UBE2K: variants seen among roughly 807,000 people sequenced by gnomAD.
The protein encoded by UBE2K is ubiquitin-conjugating enzyme E2 K.
A neutral mutation model predicts 30.0 loss-of-function variants in UBE2K; 6 were observed. That is an observed-to-expected ratio of 0.20 (90% CI 0.11 to 0.39). The LOEUF (loss-of-function observed/expected upper bound fraction) is 0.39. Among genes scored for constraint, UBE2K ranks in the 10% least tolerant of loss-of-function variants. The pLI is 1.00. For synonymous variants in UBE2K, 86 were observed against 83.7 expected (o/e 1.03, Z -0.15); for missense variants, 61 against 241.6 (o/e 0.25, Z 4.96).
chr4:39,770,265 T>C, intron 4 of UBE2K: 5 of 1,607,356 alleles, frequency 3.1e-6, no homozygotes, highest in Non-Finnish European at 3.4e-6. Flanking sequence ...CAGGGTGGAC[T>C]TCTGTGTGAA....
chr4:39,729,258 A>C (rs1243522077), intron 1 of UBE2K, among the ~76,000 whole-genome samples: 1 of 152,068 alleles, frequency 6.6e-6, no homozygotes, highest in South Asian at 2.1e-4. Flanking sequence ...GGCGTGAGCC[A>C]TGGCGCCCGG....
intron 1 of UBE2K, among the ~76,000 whole-genome samples, chr4:39,733,694 C>T (rs116308733): frequency 0.011 from 1,693 of 152,146 alleles, 39 homozygotes; most frequent in African/African-American, 0.038. Context: ...TTACTTCTAT[C>T]CAAGAAACTT....
chr4:39,709,417 AG>A (rs1341820013), intron 1 of UBE2K, among the ~76,000 whole-genome samples: 3 of 152,152 alleles, frequency 2.0e-5, no homozygotes, highest in Admixed American at 1.3e-4. Flanking sequence ...CCTTATCTGC[AG>A]TTTGATTTTC....
intron 1 of UBE2K, among the ~76,000 whole-genome samples, chr4:39,734,429 C>CTTATT (rs1394727608): frequency 6.6e-6 from 1 of 151,946 alleles, no homozygotes; most frequent in African/African-American, 2.4e-5. Context: ...TTTTCTTGAG[C>CTTATT]TTATTTAGTA....
chr4:39,774,383 G>A (rs552750391), intron 4 of UBE2K, among the ~76,000 whole-genome samples: 3 of 151,852 alleles, frequency 2.0e-5, no homozygotes, highest in African/African-American at 7.2e-5. Context: ...CAAGGCGGGC[G>A]GATTACGAGG....
At chr4:39,753,910 CA>C (rs1721397568) in intron 3 of UBE2K, among the ~76,000 whole-genome samples, 1 of 152,228 alleles carries the variant, frequency 6.6e-6, no homozygotes, top group Non-Finnish European at 1.5e-5. Flanking sequence ...CACCTGAGGT[CA>C]GGAGTTTGAG....
At chr4:39,739,656 A>G (rs1421378569) in intron 2 of UBE2K, among the ~76,000 whole-genome samples, 2 of 151,924 alleles carry the variant, frequency 1.3e-5, no homozygotes, top group Admixed American at 1.3e-4. Flanking sequence ...CATATTGGCC[A>G]GGCTTGTCTT....
At chr4:39,728,606 C>G (rs1406817479) in intron 1 of UBE2K, among the ~76,000 whole-genome samples, 2 of 151,156 alleles carry the variant, frequency 1.3e-5, no homozygotes, top group Non-Finnish European at 3.0e-5. Flanking sequence ...TTCCCTTTCC[C>G]TCCCCTTCCT....
At chr4:39,768,589 C>T (rs1712512647) in intron 4 of UBE2K, among the ~76,000 whole-genome samples, 1 of 151,992 alleles carries the variant, frequency 6.6e-6, no homozygotes, top group African/African-American at 2.4e-5. Flanking sequence ...ACCATCTTGC[C>T]CAGGCTGGTC....
At chr4:39,748,704 C>T in intron 3 of UBE2K, among the ~76,000 whole-genome samples, 1 of 151,586 alleles carries the variant, frequency 6.6e-6, no homozygotes, top group Middle Eastern at 3.2e-3. Context: ...CATTTAGAAA[C>T]ATCTTCTTAG....
chr4:39,717,794 C>G (rs187305894), intron 1 of UBE2K, among the ~76,000 whole-genome samples: 3 of 151,930 alleles, frequency 2.0e-5, no homozygotes, highest in Non-Finnish European at 2.9e-5. Flanking sequence ...CGGTTGTGTT[C>G]GGAGTTTCTT....
chr4:39,710,755 C>T (rs754078142), intron 1 of UBE2K, among the ~76,000 whole-genome samples: 5 of 152,050 alleles, frequency 3.3e-5, no homozygotes, highest in South Asian at 2.1e-4. Flanking sequence ...AAGAGTTATA[C>T]TCATATCTGC....
In UBE2K at chr4:39,752,319, TTTTTTCTTTTTTTTTC is replaced by T. The variant is rs1305253209; in HGVS notation, c.217-3332_217-3317del. ...GCCATCACGCCTGGCTAATTTTTTT[TTTTTTCTTTTTTTTTC>T]TTTTTTTTTTTTTTTTTTTGAGACG... On this transcript the variant is annotated intron_variant, in intron 3 of 6. Transcript: ENST00000261427. Among the ~76,000 whole-genome samples the T allele has an allele frequency of 1.3e-4, 15 of 116,034 alleles. 4 individuals carry two copies. The highest frequency in any genetic ancestry group is 2.0e-4 in the Admixed American group (2 of 9,966). 76.1% of individuals were successfully genotyped at this position (116,034 alleles called of 152,430 possible).
chr4:39,770,888 C>G (rs1388689243), intron 4 of UBE2K: 3 of 1,544,842 alleles, frequency 1.9e-6, no homozygotes, highest in Non-Finnish European at 1.7e-6. Context: ...CCAGTGGGAA[C>G]TCCAGCTTCA....
chr4:39,756,517 A>T (rs577277452), intron 4 of UBE2K, among the ~76,000 whole-genome samples: 1 of 152,054 alleles, frequency 6.6e-6, no homozygotes, highest in South Asian at 2.1e-4. Context: ...CAGTGGCGCA[A>T]TCACAGCTCA....
rs1419094059 is a variant in UBE2K at position 39,782,125 on chromosome 4, C to A, written c.*3691C>A. ...GGACTGATACACCCTCATGAACTTGCAATCACCTAAATGGAAGTCTTGAAT... is the reference window on the plus strand; with the variant it reads ...GGACTGATACACCCTCATGAACTTGAAATCACCTAAATGGAAGTCTTGAAT... On this transcript the variant is annotated 3_prime_UTR_variant, in exon 7 of 7. Transcript: ENST00000261427. 1 of 394,136 alleles carries A rather than the reference C, an allele frequency of 2.5e-6. No individual in the cohort carries two copies. Among genetic ancestry groups the A allele is most frequent in the East Asian group, 3.6e-5 (1 of 27,910 alleles). 24.4% of individuals were successfully genotyped at this position (394,136 alleles called of 1,614,324 possible).
At chr4:39,741,423 A>G (rs1720698479) in intron 2 of UBE2K, among the ~76,000 whole-genome samples, 1 of 152,226 alleles carries the variant, frequency 6.6e-6, no homozygotes, top group Admixed American at 6.5e-5. Flanking sequence ...TTTGTTAAGG[A>G]AAACACCATT....
intron 4 of UBE2K, among the ~76,000 whole-genome samples, chr4:39,771,798 T>C (rs1200200742): frequency 2.6e-5 from 4 of 152,152 alleles, no homozygotes; most frequent in Non-Finnish European, 4.4e-5. Flanking sequence ...GATCATTGCT[T>C]TAAGACATCC....
At chr4:39,701,897 A>C (rs945764276) in intron 1 of UBE2K, among the ~76,000 whole-genome samples, 2 of 151,706 alleles carry the variant, frequency 1.3e-5, no homozygotes, top group Admixed American at 1.3e-4. Flanking sequence ...AGTAGCTGGG[A>C]TTACAGGTGC....
Sources: gnomAD v4.1 joint callset for allele counts (sites outside exome capture counted in the v4.1 genomes callset) on GRCh38, gnomAD v4.1.1 for gene constraint, MANE v1.5 for transcripts, NCBI Gene and HGNC (gene_info 2026-07-23, HGNC 2026-07-21) for gene names.